RNF19A: variants seen among roughly 807,000 people sequenced by gnomAD.
The protein encoded by RNF19A is ring finger protein 19A, RBR E3 ubiquitin protein ligase, also known as E3 ubiquitin-protein ligase RNF19A.
A neutral mutation model predicts 75.7 loss-of-function variants in RNF19A; 32 were observed. The ratio of observed to expected loss-of-function variants is 0.42; its 90% confidence interval spans 0.32 to 0.57. The LOEUF (loss-of-function observed/expected upper bound fraction) is 0.57. Ranked by LOEUF, RNF19A falls within the 20% of genes least tolerant of loss-of-function variation. The pLI, the probability that RNF19A is intolerant of heterozygous loss-of-function variation, is 0.10. For synonymous variants in RNF19A, 335 were observed against 345.2 expected (o/e 0.97, Z 0.33); for missense variants, 782 against 1,036.3 (o/e 0.75, Z 3.37).
At chr8:100,297,492 A>C (rs745480352) in intron 1 of RNF19A, among the ~76,000 whole-genome samples, 3 of 152,192 alleles carry the variant, frequency 2.0e-5, no homozygotes, top group Non-Finnish European at 4.4e-5. Flanking sequence ...CTTATGGCTA[A>C]GTGTGGCCAC....
intron 1 of RNF19A, among the ~76,000 whole-genome samples, chr8:100,296,294 G>A (rs566376038): frequency 1.2e-4 from 18 of 152,038 alleles, no homozygotes; most frequent in African/African-American, 3.4e-4. Flanking sequence ...TAGTAGAGAC[G>A]GGGTTTCACC....
intron 2 of RNF19A, among the ~76,000 whole-genome samples, chr8:100,285,349 C>T (rs892406307): frequency 2.6e-5 from 4 of 152,052 alleles, no homozygotes; most frequent in Admixed American, 1.3e-4. Flanking sequence ...AACTAATTTT[C>T]GTAATTCTAT....
rs780039339 is a variant in RNF19A, at chr8:100,258,905, G to A, written c.2168C>T (p.Ser723Phe). 22 of 1,614,080 alleles carry A rather than the reference G, an allele frequency of 1.4e-5. No individual in the cohort carries two copies. The highest frequency in any genetic ancestry group is 3.3e-4 in the Middle Eastern group (2 of 6,084). Residue 723 changes from serine to phenylalanine, a missense_variant, in exon 10 of 10, where the codon TCT (serine) becomes TTT (phenylalanine). By Grantham distance (155) the Ser-to-Phe change is radical (BLOSUM62 -2). This residue lies in a region of RNF19A where 442 missense variants were observed against 541.6 expected (regional missense o/e 0.82). Coordinates refer to ENST00000341084, the MANE Select transcript of RNF19A (RefSeq NM_183419.4). The surrounding 1 kb of genome is among the most constrained non-coding windows in gnomAD (Gnocchi z 4.3). ...AAATTCAGAAAAATGACTAGAGTGAGAATCTGCTACAGAAGGCATACTGTC... is the reference window on the plus strand; with the variant it reads ...AAATTCAGAAAAATGACTAGAGTGAAAATCTGCTACAGAAGGCATACTGTC... ...LSDSMPSVAD[S>F]HSSHFSEFSC...
intron 1 of RNF19A, among the ~76,000 whole-genome samples, chr8:100,302,336 C>G (rs566038243): frequency 1.3e-5 from 2 of 152,292 alleles, no homozygotes; most frequent in Admixed American, 6.5e-5. Context: ...GAAGGTAAAA[C>G]TGTAAGGATT....
chr8:100,315,500 A>G (rs1050234606), intron 1 of RNF19A, among the ~76,000 whole-genome samples: 5 of 152,180 alleles, frequency 3.3e-5, no homozygotes, highest in African/African-American at 1.2e-4. Context: ...CCAGGGAGAA[A>G]GAGATTCTCT....
chr8:100,285,399 T>C (rs1401604354), intron 2 of RNF19A, among the ~76,000 whole-genome samples: 18 of 152,194 alleles, frequency 1.2e-4, no homozygotes. Flanking sequence ...GTTTGGCATG[T>C]TTCCCCTAAA....
At chr8:100,316,697 C>A (rs1003960556) in intron 1 of RNF19A, among the ~76,000 whole-genome samples, 3 of 152,246 alleles carry the variant, frequency 2.0e-5, no homozygotes, top group Non-Finnish European at 4.4e-5. Flanking sequence ...CTCAGGAGCC[C>A]AGCTGGCTTC....
intron 2 of RNF19A, among the ~76,000 whole-genome samples, chr8:100,282,812 T>C (rs182259773): frequency 6.6e-6 from 1 of 152,176 alleles, no homozygotes; most frequent in Admixed American, 6.5e-5. Context: ...TAAAAATACA[T>C]GTTATTTAGT....
intron 5 of RNF19A, among the ~76,000 whole-genome samples, chr8:100,265,044 T>G (rs1819906858): frequency 6.6e-6 from 1 of 152,224 alleles, no homozygotes; most frequent in Non-Finnish European, 1.5e-5. Flanking sequence ...GTCATCTTTA[T>G]AATCTTAATC....
chr8:100,334,157 A>C (rs981870598), intron 1 of RNF19A, among the ~76,000 whole-genome samples: 1 of 151,994 alleles, frequency 6.6e-6, no homozygotes, highest in Non-Finnish European at 1.5e-5. Flanking sequence ...CTCCATCTTG[A>C]CTTTCACCTT....
rs754536136 is a variant in RNF19A, at chr8:100,288,027, A to T, written c.148T>A (p.Ser50Thr). ...TTTTTGACTGAAGGCAAGCTCACAG[A>T]TGAAGCAGAGGACTGAAGATCTCGA... The part of the protein sequence containing the change: ...SDRDLQSSAS[S>T]VSLPSVKKAP... Residue 50 changes from serine to threonine, a missense_variant, in exon 2 of 10, where the codon TCT becomes ACT. Around this residue, in one of 7 missense-constraint regions of RNF19A, gnomAD observed 148 missense variants for 147.9 expected, o/e 1.00. Coordinates refer to ENST00000341084, the MANE Select transcript of RNF19A (RefSeq NM_183419.4). The T allele has an allele frequency of 3.1e-6, 5 of 1,614,218 alleles. No individual in the cohort carries two copies. The highest frequency in any genetic ancestry group is 4.2e-6 in the Non-Finnish European group (5 of 1,180,024).
chr8:100,329,211 C>T lies in RNF19A; in HGVS notation c.-243+6897G>A, dbSNP rs895732355. Among the ~76,000 whole-genome samples, 1 of 152,082 alleles carries T rather than the reference C, an allele frequency of 6.6e-6. No individual in the cohort carries two copies. The highest frequency in any genetic ancestry group is 1.5e-5 in the Non-Finnish European group (1 of 68,014). On this transcript the variant is annotated intron_variant, in intron 1 of 3. Transcript: ENST00000519527. The surrounding 1 kb of genome is among the most constrained non-coding windows in gnomAD (Gnocchi z 4.3). ...AGGTTGGCAGTGGCTGACTTGAAAC[C>T]ACAGGTCAAAGCTCATCTCACACAT... is the stretch of plus-strand genomic sequence containing the variant.
chr8:100,289,019 C>T (rs771947434), intron 1 of RNF19A, among the ~76,000 whole-genome samples: 11 of 147,508 alleles, frequency 7.5e-5, no homozygotes, highest in South Asian at 2.1e-4. Flanking sequence ...GAGATTGCGC[C>T]GCTGCACTCC....
At chr8:100,310,139 C>A (rs572710830), upstream of RNF19A, 18 of 985,558 alleles carry the variant, frequency 1.8e-5, no homozygotes, top group Non-Finnish European at 2.0e-5. Flanking sequence ...CCTCCTCCTC[C>A]TCCCACTTCT....
At chr8:100,282,343 C>T (rs1820818424) in intron 2 of RNF19A, among the ~76,000 whole-genome samples, 1 of 152,104 alleles carries the variant, frequency 6.6e-6, no homozygotes, top group African/African-American at 2.4e-5. Flanking sequence ...ATCTGAAATG[C>T]TTAAAGTTTA....
intron 1 of RNF19A, among the ~76,000 whole-genome samples, chr8:100,301,898 A>G (rs1245509449): frequency 6.6e-6 from 1 of 151,782 alleles, no homozygotes; most frequent in Non-Finnish European, 1.5e-5. Flanking sequence ...CAGAGACCTG[A>G]AGGAGGTAAA....
At chr8:100,320,434 TA>T (rs768231220) in intron 1 of RNF19A, among the ~76,000 whole-genome samples, 8 of 152,256 alleles carry the variant, frequency 5.3e-5, no homozygotes, top group Non-Finnish European at 1.2e-4. Flanking sequence ...CTCTAGGTTA[TA>T]TGCCTAGAAG....
chr8:100,319,673 G>A (rs542722662), intron 1 of RNF19A, among the ~76,000 whole-genome samples: 1 of 151,930 alleles, frequency 6.6e-6, no homozygotes, highest in Admixed American at 6.6e-5. Context: ...GGGATTACAG[G>A]CACACACCAC....
intron 1 of RNF19A, among the ~76,000 whole-genome samples, chr8:100,294,481 C>T (rs1821454838): frequency 6.6e-6 from 1 of 152,168 alleles, no homozygotes; most frequent in African/African-American, 2.4e-5. Context: ...TTCTAGGGGA[C>T]ATCTAGATAT....
Sources: gnomAD v4.1 joint callset for allele counts (sites outside exome capture counted in the v4.1 genomes callset) on GRCh38, gnomAD v4.1.1 for gene constraint, gnomAD v4.1.1 regional missense constraint, Gnocchi (gnomAD v3.1) non-coding constraint, MANE v1.5 for transcripts, NCBI Gene and HGNC (gene_info 2026-07-23, HGNC 2026-07-21) for gene names.